Variants in MYO19 observed in about 807,000 individuals in gnomAD.
MYO19 encodes the protein unconventional myosin-XIX.
In MYO19, 132 loss-of-function variants were observed where a neutral mutation model predicts 129.2. The ratio of observed to expected loss-of-function variants is 1.02; its 90% confidence interval spans 0.89 to 1.18. The LOEUF is 1.18. Ranked by LOEUF, MYO19 falls within the 50% of genes most tolerant of loss-of-function variation. MYO19 has a pLI of 0.00. For synonymous variants in MYO19, 531 were observed against 477.2 expected, an observed-to-expected ratio of 1.11 and a Z score of -1.47; for missense variants, 1,210 against 1,216.7, an observed-to-expected ratio of 0.99 and a Z score of 0.08.
chr17:36,509,191 G>A (rs1301196741), intron 13 of MYO19, 56 bp from the exon 14 acceptor site: 14 of 1,530,700 alleles, frequency 9.1e-6, no homozygotes, highest in African/African-American at 1.4e-5. Flanking sequence ...TCAAAGGGGT[G>A]GTAAAATTGC....
chr17:36,520,664 T>C (rs552054924), intron 6 of MYO19, among the ~76,000 whole-genome samples: 1 of 152,362 alleles, frequency 6.6e-6, no homozygotes, highest in Admixed American at 6.5e-5. Context: ...TGAAGACCTT[T>C]ATGAGGATCC....
upstream of MYO19, among the ~76,000 whole-genome samples, chr17:36,536,903 C>T (rs1196778127): frequency 1.3e-5 from 2 of 152,174 alleles, no homozygotes; most frequent in Non-Finnish European, 2.9e-5. Context: ...TATGACATTT[C>T]TATCTGAACA....
chr17:36,511,413 C>A lies in MYO19; in HGVS notation c.937G>T (p.Ala313Ser). ...LLHLGNIQFA[A>S]SEDEAQPCQP... is the part of the protein sequence containing the mutation. ...CAGGGCTGGGCTTCATCCTCGGAGG[C>A]AGCAAACTGGATATTGCCAAGGTGC... is the stretch of plus-strand genomic sequence containing the variant. Residue 313 changes from alanine to serine, a missense_variant, in exon 12 of 26, where the codon GCC becomes TCC. Transcript: ENST00000614623. 1 of 1,573,570 alleles carries A rather than the reference C, an allele frequency of 6.4e-7. No homozygotes were observed. The highest frequency in any genetic ancestry group is 8.6e-7 in the Non-Finnish European group (1 of 1,159,936).
rs1237712790 is a variant in MYO19 at position 36,503,202 on chromosome 17, T to C, written c.1977-2A>G. 1.2e-6 allele frequency: 2 copies of C among 1,613,098 alleles called. No homozygotes were observed. The highest frequency in any genetic ancestry group is 4.5e-5 in the East Asian group (2 of 44,882). On this transcript the variant is annotated splice_acceptor_variant, in intron 20 of 25. Transcript: ENST00000614623. LOFTEE classifies it high-confidence loss of function. ...TCTACAAAGTTTCGGTGAGAGACCC[T>C]GGAGGCCAAAGCAGGCAGAAGTAGA... is the stretch of plus-strand genomic sequence containing the variant.
At chr17:36,505,260 G>A (rs1166890016) in intron 19 of MYO19, 37 bp downstream of exon 19, 1 of 1,570,964 alleles carries the variant, frequency 6.4e-7, no homozygotes, top group Middle Eastern at 1.7e-4. Context: ...GCCAGATGGG[G>A]TTTGGTGCGA....
chr17:36,541,537 TG>T (rs2074197944), intron 2 of MYO19, among the ~76,000 whole-genome samples: 1 of 152,182 alleles, frequency 6.6e-6, no homozygotes, highest in Admixed American at 6.5e-5. Context: ...CTCACACATT[TG>T]GACCTAAGAA....
chr17:36,501,110 T>G lies in MYO19; in HGVS notation c.2206A>C (p.Met736Leu). ...GDSAEAMPAP[M>L]HCGRTKVFMT... Reference sequence around the variant, plus strand: ...AACACCTTGGTCCTGCCACAGTGCATGGGGGCTGGCATGGCCTCAGCCGAG... The same window carrying G: ...AACACCTTGGTCCTGCCACAGTGCAGGGGGGCTGGCATGGCCTCAGCCGAG... Residue 736 changes from methionine (M) to leucine (L), a missense_variant, in exon 22 of 26, where the codon ATG becomes CTG. Transcript: ENST00000614623. 2 of 1,613,986 alleles carry G rather than the reference T, an allele frequency of 1.2e-6. No individual in the cohort carries two copies. Among genetic ancestry groups the G allele is most frequent in the South Asian group, 2.2e-5 (2 of 91,058 alleles).
chr17:36,498,391 C>T lies in MYO19; in HGVS notation c.2632G>A (p.Gly878Ser), dbSNP rs538391929. ...ACCACTAATTTCCTCTGAAAGCTGC[C>T]TACACCCATAGCCGTATTGGCCAGG... ...LVLANTAMGV[G>S]SFQRKLVVWA... Residue 878 changes from glycine to serine, a missense_variant, in exon 25 of 26, where the codon GGC becomes AGC. By Grantham distance (56) the Gly-to-Ser change is moderately conservative. Transcript: ENST00000614623. 2.5e-6 allele frequency: 4 copies of T among 1,614,014 alleles called. No individual in the cohort carries two copies. The highest frequency in any genetic ancestry group is 1.1e-5 in the South Asian group (1 of 91,088).
chr17:36,521,280 C>T (rs1170714514), intron 6 of MYO19, among the ~76,000 whole-genome samples: 1 of 152,134 alleles, frequency 6.6e-6, no homozygotes, highest in Non-Finnish European at 1.5e-5. Flanking sequence ...TAAATATGAA[C>T]AGACACTCTA....
chr17:36,500,818 C>G lies in MYO19; in HGVS notation c.2377+12G>C. 6.3e-7 allele frequency: 1 copy of G among 1,596,312 alleles called. No homozygotes were observed. Among genetic ancestry groups the G allele is most frequent in the Non-Finnish European group, 8.5e-7 (1 of 1,175,926 alleles). On this transcript the variant is annotated intron_variant, in intron 23 of 25. Coordinates refer to ENST00000614623, the MANE Select transcript of MYO19 (RefSeq NM_001163735.2). ...TCTGTGAGCAGTGCTGACAGGTGAC[C>G]TGCCCACCTACCTGCCTGGATGAGC...
intron 11 of MYO19, chr17:36,513,211 C>G: frequency 1.4e-6 from 2 of 1,440,994 alleles, no homozygotes; most frequent in Non-Finnish European, 1.8e-6. Context: ...TGTACTCTAG[C>G]ACTGTGTATG....
chr17:36,496,690 A>G (rs1370901171), intron 25 of MYO19, among the ~76,000 whole-genome samples: 1 of 152,200 alleles, frequency 6.6e-6, no homozygotes, highest in African/African-American at 2.4e-5. Context: ...GTGTGTTTTC[A>G]TGGGAGACTT....
intron 6 of MYO19, 67 bp from the exon 7 acceptor site, chr17:36,516,057 G>C (rs1434081577): frequency 6.6e-7 from 1 of 1,511,308 alleles, no homozygotes; most frequent in African/African-American, 1.4e-5. Context: ...CTGCCTGAGA[G>C]AACAGTGCCC....
intron 7 of MYO19, 42 bp from the exon 8 acceptor site, chr17:36,515,224 C>T: frequency 6.3e-7 from 1 of 1,578,526 alleles, no homozygotes; most frequent in Admixed American, 1.7e-5. Flanking sequence ...CCTGGGTTTG[C>T]AGAGTCCTCA....
chr17:36,520,631 A>G (rs1345377533), intron 6 of MYO19, among the ~76,000 whole-genome samples: 1 of 152,060 alleles, frequency 6.6e-6, no homozygotes, highest in African/African-American at 2.4e-5. Flanking sequence ...TCCTCAGCCT[A>G]CTCAAAGTGA....
At position 36,504,031 on chromosome 17, in the gene MYO19, G is replaced by A. The variant is rs115098583; in HGVS notation, c.1906-11C>T. The stretch of plus-strand genomic sequence containing the variant: ...CAGCTGGCTCAGGACCTGCAAGGGT[G>A]GGGAGACAGGGCAGGCACCTGCAGC... On this transcript the variant is annotated splice_polypyrimidine_tract_variant and intron_variant, in intron 19 of 25. Coordinates refer to ENST00000614623, the MANE Select transcript of MYO19 (RefSeq NM_001163735.2). 8.9e-4 allele frequency: 1,385 copies of A among 1,556,072 alleles called. 10 individuals are homozygous for A. In the African/African-American group the frequency reaches 0.017, roughly 19 times the overall value.
chr17:36,512,730 G>A lies in MYO19; in HGVS notation c.894+699C>T, dbSNP rs1483030299. Reference sequence around the variant, plus strand: ...ACTGCATTGCTACCTCCCTGAAGTGGCCTCCCTTTCTCGACTGCCAGGCCA... The same window carrying A: ...ACTGCATTGCTACCTCCCTGAAGTGACCTCCCTTTCTCGACTGCCAGGCCA... On this transcript the variant is annotated intron_variant, in intron 11 of 25. Transcript: ENST00000614623. The A allele has an allele frequency of 2.3e-6, 3 of 1,289,056 alleles. No homozygotes were observed. The South Asian group carries it at 3.7e-5, about 16-fold the overall frequency. The allele number at this position is 1,289,056 out of a possible 1,614,324, so 79.9% of individuals were successfully genotyped here.
At chr17:36,530,101 C>T (rs1008718625) in intron 3 of MYO19, among the ~76,000 whole-genome samples, 1 of 152,160 alleles carries the variant, frequency 6.6e-6, no homozygotes, top group Non-Finnish European at 1.5e-5. Context: ...GTGGCTTAAG[C>T]CTGTAATCCC....
At chr17:36,527,191 T>TA (rs1214543831) in intron 5 of MYO19, among the ~76,000 whole-genome samples, 15 of 151,458 alleles carry the variant, frequency 9.9e-5, no homozygotes, top group South Asian at 6.3e-4. Context: ...AATAAATAAA[T>TA]AATAATAAAA....
Sources: gnomAD v4.1 joint callset for allele counts (sites outside exome capture counted in the v4.1 genomes callset) on GRCh38, gnomAD v4.1.1 for gene constraint, MANE v1.5 for transcripts, NCBI Gene and HGNC (gene_info 2026-07-23, HGNC 2026-07-21) for gene names.